KCNG2: variants seen among roughly 807,000 people sequenced by gnomAD.
KCNG2 encodes the protein potassium voltage-gated channel modifier subfamily G member 2.
In KCNG2, 7 loss-of-function variants were observed where a neutral mutation model predicts 12.3. The observed-to-expected ratio is 0.57, with a 90% confidence interval of 0.32 to 1.07. KCNG2 has a LOEUF of 1.07. KCNG2 is among the 50% of genes least tolerant of loss of function. KCNG2 has a pLI of 0.04. For missense variants in KCNG2, 703 were observed against 726.0 expected (o/e 0.97, Z 0.36); for synonymous variants, 414 against 351.4 (o/e 1.18, Z -1.99).
Position 79,899,603 on chromosome 18 carries a change from C to A in KCNG2, c.1188C>A (p.Leu396=). The stretch of plus-strand genomic sequence containing the variant: ...GCAGCATCCTCAGCGGCATCCTGCT[C>A]ATGGCCTTCCCGGTCACCTCCATCT... The part of the protein sequence containing the change: ...ALSSILSGIL[L]MAFPVTSIFH... The change falls in exon 4 of 4, where the codon CTC becomes CTA. Residue 396 remains leucine, a synonymous_variant. Transcript: ENST00000316249. The A allele has an allele frequency of 6.3e-7, 1 of 1,599,722 alleles. No homozygotes were observed. The highest frequency in any genetic ancestry group is 8.5e-7 in the Non-Finnish European group (1 of 1,172,412).
chr18:79,825,305 T>C (rs1331108290), intron 1 of KCNG2, among the ~76,000 whole-genome samples: 2 of 152,196 alleles, frequency 1.3e-5, no homozygotes, highest in Non-Finnish European at 2.9e-5. Flanking sequence ...AATATAATAA[T>C]GTGGCTTTAA....
At chr18:79,893,221 TG>T (rs1907967134) in intron 3 of KCNG2, among the ~76,000 whole-genome samples, 1 of 152,058 alleles carries the variant, frequency 6.6e-6, no homozygotes, top group Non-Finnish European at 1.5e-5. Flanking sequence ...TCACATCTAA[TG>T]GTACGATTGA....
intron 3 of KCNG2, among the ~76,000 whole-genome samples, chr18:79,870,695 C>T (rs1280745412): frequency 1.3e-5 from 2 of 152,234 alleles, no homozygotes; most frequent in Non-Finnish European, 2.9e-5. Context: ...TTCTTTTAAA[C>T]TCACATGATT....
chr18:79,891,480 C>T (rs1980742478), intron 3 of KCNG2, among the ~76,000 whole-genome samples: 1 of 152,136 alleles, frequency 6.6e-6, no homozygotes, highest in East Asian at 1.9e-4. Flanking sequence ...ATCCTCCTGC[C>T]TCGGCCTCCC....
Position 79,858,249 on chromosome 18 carries a change from G to A in KCNG2, c.-41+1797G>A, listed in dbSNP as rs971336796. Among the ~76,000 whole-genome samples, 12 of 152,290 alleles carry A rather than the reference G, an allele frequency of 7.9e-5. No homozygotes were observed. The South Asian group carries it at 1.0e-3, about 13-fold the overall frequency. ...ACTCCTGACCTCAAGTGATCCACCC[G>A]CCTCAGCCTCCCAAAATGCTGGGAT... On this transcript the variant is annotated intron_variant, in intron 2 of 3. Transcript: ENST00000316249.
chr18:79,889,277 C>T (rs1001060205), intron 3 of KCNG2, among the ~76,000 whole-genome samples: 26 of 152,110 alleles, frequency 1.7e-4, no homozygotes, highest in African/African-American at 5.6e-4. Flanking sequence ...ACTTTAGCAC[C>T]CACATTTTGA....
chr18:79,871,670 C>G (rs1367482588), intron 3 of KCNG2, among the ~76,000 whole-genome samples: 1 of 152,216 alleles, frequency 6.6e-6, no homozygotes, highest in African/African-American at 2.4e-5. Flanking sequence ...CCAGTCTCCA[C>G]CCAGGGGCAG....
chr18:79,892,784 T>C (rs924838868), intron 3 of KCNG2, among the ~76,000 whole-genome samples: 1 of 152,204 alleles, frequency 6.6e-6, no homozygotes, highest in African/African-American at 2.4e-5. Flanking sequence ...ATTGATATAG[T>C]TGGGTCTGTG....
chr18:79,799,793 C>T (rs1013303618), intron 1 of KCNG2, among the ~76,000 whole-genome samples: 2 of 152,200 alleles, frequency 1.3e-5, no homozygotes, highest in South Asian at 2.1e-4. Flanking sequence ...TTGTGCCAGG[C>T]GCACAGGAAG....
intron 1 of KCNG2, among the ~76,000 whole-genome samples, chr18:79,805,664 C>G (rs1049449240): frequency 6.6e-6 from 1 of 152,180 alleles, no homozygotes; most frequent in Non-Finnish European, 1.5e-5. Flanking sequence ...ACCTGGCGCC[C>G]TGCAGGGCTG....
rs531887709 is a variant in KCNG2, at chr18:79,800,170, A to G, written c.-115+2156A>G. Among the ~76,000 whole-genome samples, 1 of 151,542 alleles carries G rather than the reference A, an allele frequency of 6.6e-6. No homozygotes were observed. The highest frequency in any genetic ancestry group is 6.6e-5 in the Admixed American group (1 of 15,222). On this transcript the variant is annotated intron_variant, in intron 1 of 3. Transcript: ENST00000316249. The surrounding 1 kb of genome is among the most constrained non-coding windows in gnomAD (Gnocchi z 4.0). ...GTGGGGGCGGGAGTGAAGGGAGCAGATGGGGCTGTGCCGACAGGCATGAGC... is the reference window on the plus strand; with the variant it reads ...GTGGGGGCGGGAGTGAAGGGAGCAGGTGGGGCTGTGCCGACAGGCATGAGC...
Position 79,884,531 on chromosome 18 carries a change from G to A in KCNG2, c.625-14509G>A, listed in dbSNP as rs1333239147. On this transcript the variant is annotated intron_variant, in intron 3 of 3. Coordinates refer to ENST00000316249, the MANE Select transcript of KCNG2 (RefSeq NM_012283.2). This position sits in a 1 kb window ranked among gnomAD's most constrained non-coding sequence, Gnocchi z 5.5. ...CAGGCTGTGATGTCCCGATGCAGTG[G>A]AGGAGCAGGGCTGGGTCTGGGCCTG... Among the ~76,000 whole-genome samples, 2 of 150,532 alleles carry A rather than the reference G, an allele frequency of 1.3e-5. No individual in the cohort carries two copies. Among genetic ancestry groups the A allele is most frequent in the Non-Finnish European group, 3.0e-5 (2 of 67,524 alleles).
intron 3 of KCNG2, among the ~76,000 whole-genome samples, chr18:79,874,878 C>T (rs1410171382): frequency 6.6e-6 from 1 of 152,198 alleles, no homozygotes; most frequent in Non-Finnish European, 1.5e-5. Context: ...CTTCCCTCTT[C>T]CCCATCGCCA....
Position 79,802,247 on chromosome 18 carries a change from G to A in KCNG2, c.-115+4233G>A, listed in dbSNP as rs575910201. 5.3e-5 allele frequency among the ~76,000 whole-genome samples: 8 copies of A among 152,300 alleles called. 1 individual carries two copies. Among genetic ancestry groups the A allele is most frequent in the Admixed American group, 3.3e-4 (5 of 15,300 alleles). On this transcript the variant is annotated intron_variant, in intron 1 of 3. Transcript: ENST00000316249. ...AGGGATCCTTTCACCTTTTCTCTAC[G>A]GTTTAGAAATGTTCAAAAAGCACTT... is the stretch of plus-strand genomic sequence containing the variant.
At chr18:79,867,941 T>A (rs1979674826) in intron 3 of KCNG2, among the ~76,000 whole-genome samples, 1 of 151,980 alleles carries the variant, frequency 6.6e-6, no homozygotes, top group African/African-American at 2.4e-5. Context: ...GCGGCCCGAG[T>A]GCCAATCTGA....
rs370098123 is a variant in KCNG2, at chr18:79,834,995, G to A, written c.-114-21384G>A. On this transcript the variant is annotated intron_variant, in intron 1 of 3. Transcript: ENST00000316249. Reference sequence around the variant, plus strand: ...CTGTGCCACCCACACCCATGGTGTCGGCCACCCATATGGGGAGCAGTAACA... The same window carrying A: ...CTGTGCCACCCACACCCATGGTGTCAGCCACCCATATGGGGAGCAGTAACA... Among the ~76,000 whole-genome samples, 270 of 152,234 alleles carry A rather than the reference G, an allele frequency of 1.8e-3. 1 individual carries two copies. The highest frequency in any genetic ancestry group is 6.0e-3 in the African/African-American group (250 of 41,536).
At chr18:79,851,253 C>T (rs986079613) in intron 1 of KCNG2, among the ~76,000 whole-genome samples, 2 of 152,154 alleles carry the variant, frequency 1.3e-5, no homozygotes, top group Non-Finnish European at 2.9e-5. Context: ...GTATATTTTG[C>T]AAGAATCAAT....
At chr18:79,866,212 G>T (rs942612093) in intron 3 of KCNG2, among the ~76,000 whole-genome samples, 2 of 142,336 alleles carry the variant, frequency 1.4e-5, no homozygotes, top group Middle Eastern at 4.4e-3. Context: ...GTGCTGAGAA[G>T]TCTGTGCTGA....
At chr18:79,889,022 C>T (rs1980653712) in intron 3 of KCNG2, among the ~76,000 whole-genome samples, 2 of 152,170 alleles carry the variant, frequency 1.3e-5, no homozygotes, top group Admixed American at 1.3e-4. Flanking sequence ...TATTATTGAG[C>T]TGTAAGAGTT....
Sources: allele counts gnomAD v4.1 joint callset (sites outside exome capture counted in the v4.1 genomes callset), GRCh38; gene constraint gnomAD v4.1.1; non-coding constraint Gnocchi (gnomAD v3.1); transcripts MANE v1.5; gene names NCBI Gene and HGNC (gene_info 2026-07-23, HGNC 2026-07-21).